Variants in NECAB2 observed in about 807,000 individuals in gnomAD.
NECAB2 encodes N-terminal EF-hand calcium-binding protein 2.
Under a neutral mutation model 51.9 loss-of-function variants are expected in NECAB2, and 68 were observed. The observed-to-expected ratio is 1.31, with a 90% confidence interval of 1.08 to 1.60. NECAB2 has a LOEUF of 1.60. Ranked by LOEUF, NECAB2 falls within the 40% of genes most tolerant of loss-of-function variation. NECAB2 has a pLI of 0.00. For missense variants in NECAB2, 854 were observed against 490.3 expected (o/e 1.74, Z -7.00); for synonymous variants, 329 against 203.5 (o/e 1.62, Z -5.25).
intron 1 of NECAB2, among the ~76,000 whole-genome samples, chr16:83,970,727 C>A (rs1012661651): frequency 1.3e-5 from 2 of 152,140 alleles, no homozygotes; most frequent in Non-Finnish European, 2.9e-5. Context: ...GTCTCAGTAC[C>A]CTCCTTGTTA....
chr16:83,980,696 C>A lies in NECAB2; in HGVS notation c.336-143C>A, dbSNP rs576728193. 1.1e-5 allele frequency: 12 copies of A among 1,136,374 alleles called. No individual in the cohort carries two copies. The Middle Eastern group carries it at 6.2e-4, about 59-fold the overall frequency. The allele number at this position is 1,136,374 out of a possible 1,614,324, so 70.4% of individuals were successfully genotyped here. A position where few individuals can be genotyped will look rare whatever the true frequency, so the allele number is the denominator to read the frequency against. On this transcript the variant is annotated intron_variant, in intron 3 of 12. Coordinates refer to ENST00000305202, the MANE Select transcript of NECAB2 (RefSeq NM_019065.3). ...CGGGGGTGTCACCTACCTGCTGCAC[C>A]CTCTTCTGTAAGGCGGAGCTTGTGG...
intron 11 of NECAB2, among the ~76,000 whole-genome samples, 196 bp downstream of exon 11, chr16:84,000,997 C>G (rs1397010203): frequency 6.6e-6 from 1 of 151,762 alleles, no homozygotes; most frequent in Non-Finnish European, 1.5e-5. Context: ...GTGAGAGCCC[C>G]CACCACACTC....
rs894999570 is a variant in NECAB2, at chr16:83,973,497, C to T, written c.226+1322C>T. 5.3e-5 allele frequency among the ~76,000 whole-genome samples: 8 copies of T among 152,128 alleles called. No homozygotes were observed. In the South Asian group the frequency reaches 1.0e-3, roughly 20 times the overall value. ...AAGGACCATCAGCAGTGATTCCATACGGAGCAGAGGAGGAATAAGAGGGAC... is the reference window on the plus strand; with the variant it reads ...AAGGACCATCAGCAGTGATTCCATATGGAGCAGAGGAGGAATAAGAGGGAC... On this transcript the variant is annotated intron_variant, in intron 2 of 12. Transcript: ENST00000305202.
chr16:84,000,004 A>G (rs1008985537), intron 10 of NECAB2, among the ~76,000 whole-genome samples: 1 of 151,924 alleles, frequency 6.6e-6, no homozygotes, highest in African/African-American at 2.4e-5. Context: ...CTCATGCCTC[A>G]GTGTCCTGCA....
chr16:83,985,921 C>T (rs1315872971), intron 5 of NECAB2, among the ~76,000 whole-genome samples: 7 of 152,062 alleles, frequency 4.6e-5, no homozygotes, highest in South Asian at 4.1e-4. Context: ...ATCCTTTCTT[C>T]GTTATGAAAT....
intron 12 of NECAB2, 131 bp from the exon 13 acceptor site, chr16:84,002,187 A>C (rs2084850001): frequency 9.0e-6 from 11 of 1,217,164 alleles, no homozygotes; most frequent in Non-Finnish European, 1.3e-5. Flanking sequence ...CACCTGGGTG[A>C]CCAGCAAGGA....
At chr16:84,000,526 G>A (rs35122267) in intron 10 of NECAB2, among the ~76,000 whole-genome samples, 198 bp from the exon 11 acceptor site, 35,838 of 152,022 alleles carry the variant, frequency 0.24, 9,072 homozygotes, top group African/African-American at 0.64. Context: ...ATAAATAGCT[G>A]TTGGCCACTA....
chr16:83,965,730 T>C (rs1479796891), upstream of NECAB2: 1 of 1,613,346 alleles, frequency 6.2e-7, no homozygotes, highest in Non-Finnish European at 8.5e-7. Flanking sequence ...GTCGAGAAGG[T>C]GTTTGGGGTC....
intron 5 of NECAB2, among the ~76,000 whole-genome samples, chr16:83,983,659 C>T (rs1053013347): frequency 1.3e-4 from 20 of 152,136 alleles, no homozygotes; most frequent in Non-Finnish European, 2.5e-4. Context: ...AACAATCCTT[C>T]GCTCCCTGTG....
intron 5 of NECAB2, among the ~76,000 whole-genome samples, chr16:83,984,934 T>C (rs1042865635): frequency 6.6e-6 from 1 of 152,342 alleles, no homozygotes; most frequent in Non-Finnish European, 1.5e-5. Flanking sequence ...CTCCCTCTTA[T>C]AACTTTAGGT....
intron 2 of NECAB2, among the ~76,000 whole-genome samples, chr16:83,977,971 G>A (rs965659979): frequency 3.6e-4 from 55 of 152,296 alleles, no homozygotes; most frequent in Middle Eastern, 6.8e-3. Context: ...ACTTCATACC[G>A]ATGGTGTGAC....
intron 2 of NECAB2, among the ~76,000 whole-genome samples, chr16:83,974,616 C>T (rs1007976231): frequency 6.6e-6 from 1 of 152,224 alleles, no homozygotes; most frequent in Non-Finnish European, 1.5e-5. Flanking sequence ...TCAACCCCCA[C>T]CCTCCTTCCA....
chr16:83,998,244 G>A lies in NECAB2; in HGVS notation c.889G>A (p.Glu297Lys), dbSNP rs147666898. The A allele has an allele frequency of 1.1e-4, 180 of 1,612,536 alleles. 1 individual carries two copies. The South Asian group carries it at 1.4e-3, about 12-fold the overall frequency. ...LVRQEMAVCPEQLSEFLDSLR... is the reference protein window; with the variant it reads ...LVRQEMAVCPKQLSEFLDSLR... ...CCGGCAGGAGATGGCCGTGTGCCCCGAGCAACTGAGCGAGTTTCTGGACTC... is the reference window on the plus strand; with the variant it reads ...CCGGCAGGAGATGGCCGTGTGCCCCAAGCAACTGAGCGAGTTTCTGGACTC... The change falls in exon 10 of 13, where the codon GAG becomes AAG. Residue 297 changes from glutamate to lysine, a missense_variant. By Grantham distance (56) the Glu-to-Lys change is moderately conservative. Coordinates refer to ENST00000305202, the MANE Select transcript of NECAB2 (RefSeq NM_019065.3).
At chr16:83,977,607 C>T (rs1422904055) in intron 2 of NECAB2, among the ~76,000 whole-genome samples, 3 of 152,148 alleles carry the variant, frequency 2.0e-5, no homozygotes, top group African/African-American at 4.8e-5. Context: ...GTGGAGGCCC[C>T]TCTGTGGAGC....
At chr16:84,002,229 C>A (rs1398027847) in intron 12 of NECAB2, 89 bp from the exon 13 acceptor site, 3 of 1,501,856 alleles carry the variant, frequency 2.0e-6, no homozygotes, top group Non-Finnish European at 2.8e-6. Context: ...CAAAGCCATC[C>A]CCCGACCTGT....
intron 6 of NECAB2, among the ~76,000 whole-genome samples, chr16:83,992,381 C>CAT (rs60031114): frequency 1.4e-5 from 2 of 145,088 alleles, no homozygotes; most frequent in African/African-American, 5.5e-5. Context: ...CACCCGTCCC[C>CAT]CCGCCCACCT....
rs1567682811 is a variant in NECAB2 at position 84,002,302 on chromosome 16, G to GT, written c.1133-15dup. The GT allele has an allele frequency of 6.2e-7, 1 of 1,613,760 alleles. No individual in the cohort carries two copies. Among genetic ancestry groups the GT allele is most frequent in the East Asian group, 2.2e-5 (1 of 44,842 alleles). The stretch of plus-strand genomic sequence containing the variant: ...CATTCGCACTCCTTCCCTCTAACGT[G>GT]TCTCTCTCCTTTTAGCTGCTTGGTG... On this transcript the variant is annotated splice_polypyrimidine_tract_variant and intron_variant, in intron 12 of 12. Coordinates refer to ENST00000305202, the MANE Select transcript of NECAB2 (RefSeq NM_019065.3).
intron 5 of NECAB2, among the ~76,000 whole-genome samples, chr16:83,987,568 A>C (rs923864750): frequency 3.9e-5 from 6 of 152,102 alleles, no homozygotes; most frequent in African/African-American, 1.5e-4. Flanking sequence ...TAAATTTATA[A>C]TCTGTGTTCA....
chr16:83,998,654 C>G (rs13333457), intron 10 of NECAB2, among the ~76,000 whole-genome samples: 1 of 152,170 alleles, frequency 6.6e-6, no homozygotes, highest in African/African-American at 2.4e-5. Context: ...GTGCCCCGTG[C>G]GCTCAGTCAG....
Sources: allele counts gnomAD v4.1 joint callset (sites outside exome capture counted in the v4.1 genomes callset), GRCh38; gene constraint gnomAD v4.1.1; transcripts MANE v1.5; gene names NCBI Gene and HGNC (gene_info 2026-07-23, HGNC 2026-07-21).